Variants in LRCH1 observed in about 807,000 individuals in gnomAD.
LRCH1 encodes the protein leucine-rich repeat and calponin homology domain-containing protein 1.
In LRCH1, 23 loss-of-function variants were observed where a neutral mutation model predicts 94.9. That is an observed-to-expected ratio of 0.24 (90% confidence interval 0.17 to 0.34). The LOEUF (loss-of-function observed/expected upper bound fraction) is 0.34, where lower values mean the gene tolerates loss of function less well. Ranked by LOEUF, LRCH1 falls within the 10% of genes least tolerant of loss-of-function variation. The pLI, the probability that LRCH1 is intolerant of heterozygous loss-of-function variation, is 1.00. For missense variants in LRCH1, 790 were observed against 945.9 expected, an observed-to-expected ratio of 0.84 and a Z score of 2.16; for synonymous variants, 364 against 354.9, an observed-to-expected ratio of 1.03 and a Z score of -0.29.
At chr13:46,746,865 T>C (rs1873932443), downstream of LRCH1, among the ~76,000 whole-genome samples, 1 of 152,214 alleles carries the variant, frequency 6.6e-6, no homozygotes. Flanking sequence ...CAAATGGCCC[T>C]GACCCCTTCT....
chr13:46,634,509 A>T (rs2051059421), intron 1 of LRCH1, among the ~76,000 whole-genome samples: 1 of 152,144 alleles, frequency 6.6e-6, no homozygotes, highest in Non-Finnish European at 1.5e-5. Flanking sequence ...TCCCTTCCTC[A>T]TTCAGGCTGT....
At chr13:46,703,527 C>A (rs1443636808) in intron 11 of LRCH1, among the ~76,000 whole-genome samples, 1 of 152,112 alleles carries the variant, frequency 6.6e-6, no homozygotes, top group Non-Finnish European at 1.5e-5. Flanking sequence ...AATCTAAGAA[C>A]TTATCCTAAG....
intron 1 of LRCH1, among the ~76,000 whole-genome samples, chr13:46,613,555 G>C (rs1249092438): frequency 6.6e-6 from 1 of 152,072 alleles, no homozygotes; most frequent in East Asian, 1.9e-4. Context: ...TCTAAGACCT[G>C]AGGCCCAAAG....
chr13:46,573,864 ATATTTT>A (rs1363751311), intron 1 of LRCH1, among the ~76,000 whole-genome samples: 6 of 59,990 alleles, frequency 1.0e-4, no homozygotes, highest in African/African-American at 4.4e-4. Flanking sequence ...ATATATATAT[ATATTTT>A]TTTTTTTTTT....
chr13:46,603,697 C>G (rs2050656253), intron 1 of LRCH1, among the ~76,000 whole-genome samples: 1 of 152,208 alleles, frequency 6.6e-6, no homozygotes, highest in African/African-American at 2.4e-5. Flanking sequence ...AGATGAGGGT[C>G]TCGCTTTGGA....
intron 1 of LRCH1, among the ~76,000 whole-genome samples, chr13:46,559,701 C>G (rs1398421613): frequency 6.6e-6 from 1 of 152,204 alleles, no homozygotes; most frequent in African/African-American, 2.4e-5. Flanking sequence ...AATTTTTGGT[C>G]TGTGCCAGTT....
intron 16 of LRCH1, among the ~76,000 whole-genome samples, chr13:46,720,250 G>C (rs1018765218): frequency 6.6e-6 from 1 of 152,160 alleles, no homozygotes; most frequent in Non-Finnish European, 1.5e-5. Context: ...AGCCAGGCAT[G>C]GTGGTGCAGG....
At position 46,657,692 on chromosome 13, in the gene LRCH1, ATTT is replaced by A. The variant is rs55823488; in HGVS notation, c.452+7361_452+7363del. 6.4e-5 allele frequency among the ~76,000 whole-genome samples: 3 copies of A among 46,918 alleles called. 1 individual carries two copies. Among genetic ancestry groups the A allele is most frequent in the Admixed American group, 3.8e-4 (1 of 2,658 alleles). 30.8% of individuals were successfully genotyped at this position (46,918 alleles called of 152,430 possible). A position where few individuals can be genotyped will look rare whatever the true frequency, so the allele number is the denominator to read the frequency against. ...AGACGTGCGCCACCATGCCCAGCTAATTTTTTTTTTTTTTTTGGTAGAGATGGA... is the reference window on the plus strand; with the variant it reads ...AGACGTGCGCCACCATGCCCAGCTAATTTTTTTTTTTTTGGTAGAGATGGA... On this transcript the variant is annotated intron_variant, in intron 2 of 19. Coordinates refer to ENST00000389797, the MANE Select transcript of LRCH1 (RefSeq NM_001164211.2).
At chr13:46,733,680 C>T (rs748406583) in intron 18 of LRCH1, among the ~76,000 whole-genome samples, 2 of 151,734 alleles carry the variant, frequency 1.3e-5, no homozygotes, top group African/African-American at 2.4e-5. Flanking sequence ...ATATGTATAT[C>T]TATGTAGGCA....
intron 3 of LRCH1, among the ~76,000 whole-genome samples, chr13:46,673,703 ATTTTTAAAT>A (rs887440933): frequency 6.6e-6 from 1 of 150,674 alleles, no homozygotes; most frequent in African/African-American, 2.4e-5. Flanking sequence ...TAGAAGAAAT[ATTTTTAAAT>A]TGTTCACATT....
chr13:46,659,689 T>TGG, intron 2 of LRCH1, among the ~76,000 whole-genome samples: 1 of 152,266 alleles, frequency 6.6e-6, no homozygotes, highest in Admixed American at 6.5e-5. Context: ...TGGGTGGCTG[T>TGG]GGGGGGTGGG....
intron 2 of LRCH1, among the ~76,000 whole-genome samples, chr13:46,662,375 A>T (rs1477397531): frequency 2.0e-5 from 3 of 152,190 alleles, no homozygotes; most frequent in Non-Finnish European, 4.4e-5. Context: ...AAGTCTTAAT[A>T]CTTAAAAGCC....
At chr13:46,739,305 A>G (rs1411671589) in intron 19 of LRCH1, among the ~76,000 whole-genome samples, 1 of 152,214 alleles carries the variant, frequency 6.6e-6, no homozygotes, top group South Asian at 2.1e-4. Flanking sequence ...TTTGTTCACT[A>G]TAATGGGCAT....
At chr13:46,677,655 G>T (rs2051696225) in intron 3 of LRCH1, among the ~76,000 whole-genome samples, 1 of 152,128 alleles carries the variant, frequency 6.6e-6, no homozygotes, top group East Asian at 1.9e-4. Context: ...GATGAGGAGA[G>T]AATCTTATTT....
chr13:46,559,387 A>G (rs1261681609), intron 1 of LRCH1, among the ~76,000 whole-genome samples: 1 of 152,230 alleles, frequency 6.6e-6, no homozygotes, highest in Non-Finnish European at 1.5e-5. Context: ...TCTTCCATTC[A>G]TAAACTATGA....
chr13:46,746,813 C>T (rs1239843147), downstream of LRCH1, among the ~76,000 whole-genome samples: 1 of 152,148 alleles, frequency 6.6e-6, no homozygotes, highest in Admixed American at 6.5e-5. Flanking sequence ...TCAAGGATCC[C>T]CCCACTCTGT....
intron 1 of LRCH1, among the ~76,000 whole-genome samples, chr13:46,566,915 G>T (rs911421481): frequency 6.6e-6 from 1 of 152,172 alleles, no homozygotes; most frequent in Non-Finnish European, 1.5e-5. Context: ...GTGATGGCCA[G>T]CTATCAGCTC....
At chr13:46,687,804 T>C (rs2138153331) in intron 5 of LRCH1, 48 bp from the exon 6 acceptor site, 1 of 1,542,496 alleles carries the variant, frequency 6.5e-7, no homozygotes, top group East Asian at 2.3e-5. Flanking sequence ...ACTTACATTT[T>C]GTTTTGTCAT....
intron 1 of LRCH1, among the ~76,000 whole-genome samples, chr13:46,578,639 T>C (rs1307011709): frequency 6.6e-6 from 1 of 152,210 alleles, no homozygotes; most frequent in East Asian, 1.9e-4. Flanking sequence ...AAAAATAATA[T>C]GCTGGTCTTT....
Sources: gnomAD v4.1 joint callset for allele counts (sites outside exome capture counted in the v4.1 genomes callset) on GRCh38, gnomAD v4.1.1 for gene constraint, MANE v1.5 for transcripts, NCBI Gene and HGNC (gene_info 2026-07-23, HGNC 2026-07-21) for gene names.